Variants in SCN3A observed in about 807,000 individuals in gnomAD.
SCN3A encodes the protein sodium voltage-gated channel alpha subunit 3, also known as sodium channel protein type 3 subunit alpha.
Under a neutral mutation model 187.6 loss-of-function variants are expected in SCN3A, and 60 were observed. The ratio of observed to expected loss-of-function variants is 0.32; its 90% CI spans 0.26 to 0.40. The LOEUF (loss-of-function observed/expected upper bound fraction) is 0.40. Among genes scored for constraint, SCN3A ranks in the 10% least tolerant of loss-of-function variants. SCN3A has a pLI of 1.00. For missense variants in SCN3A, 1,601 were observed against 2,428.2 expected, an observed-to-expected ratio of 0.66 and a Z score of 7.16; for synonymous variants, 788 against 829.2, an observed-to-expected ratio of 0.95 and a Z score of 0.85.
intron 12 of SCN3A, among the ~76,000 whole-genome samples, chr2:165,145,492 G>T (rs750793240): frequency 6.6e-6 from 1 of 151,942 alleles, no homozygotes; most frequent in African/African-American, 2.4e-5. Context: ...AACTCTTTGT[G>T]TATTCATGTC....
At position 165,162,712 on chromosome 2, in the gene SCN3A, C is replaced by A; in HGVS notation, c.811G>T (p.Gly271Cys). ...FALIGLQLFM[G>C]NLRNKCLQWP... The stretch of plus-strand genomic sequence containing the variant: ...TGCAAACATTTATTCCTCAGATTGC[C>A]CATGAACAGCTGCAGCCCAATGAGA... The change falls in exon 8 of 28, where the codon GGC becomes TGC. Residue 271 changes from glycine to cysteine, a missense_variant. Coordinates refer to ENST00000283254, the MANE Select transcript of SCN3A (RefSeq NM_006922.4). The A allele has an allele frequency of 6.2e-7, 1 of 1,614,104 alleles. No homozygotes were observed. The highest frequency in any genetic ancestry group is 8.5e-7 in the Non-Finnish European group (1 of 1,180,012).
chr2:165,158,882 A>G (rs1235826989), intron 9 of SCN3A, among the ~76,000 whole-genome samples: 1 of 138,028 alleles, frequency 7.2e-6, no homozygotes, highest in Non-Finnish European at 1.5e-5. Context: ...TGGGGTCATT[A>G]TGAATACAGC....
chr2:165,166,512 G>A (rs949846876), intron 5 of SCN3A, among the ~76,000 whole-genome samples: 4 of 152,026 alleles, frequency 2.6e-5, no homozygotes, highest in Non-Finnish European at 4.4e-5. Context: ...ATAAAATGCA[G>A]TATAAATAAA....
At chr2:165,133,751 T>C (rs1018472230) in intron 15 of SCN3A, among the ~76,000 whole-genome samples, 1 of 152,028 alleles carries the variant, frequency 6.6e-6, no homozygotes. Flanking sequence ...TTTTAAAACA[T>C]TTCATGGTCT....
chr2:165,179,912 T>C (rs1690728846), intron 2 of SCN3A, among the ~76,000 whole-genome samples: 1 of 152,120 alleles, frequency 6.6e-6, no homozygotes, highest in Non-Finnish European at 1.5e-5. Context: ...GAGCAGACTT[T>C]AAAAATTAAT....
At position 165,157,228 on chromosome 2, in the gene SCN3A, G is replaced by A. The variant is rs969645684; in HGVS notation, c.1032-1325C>T. ...CCCAGCCCTCAGTTTTTTTCTTAATGTCCTTTTTTTGTTCCAGGATCCCAT... is the reference window on the plus strand; with the variant it reads ...CCCAGCCCTCAGTTTTTTTCTTAATATCCTTTTTTTGTTCCAGGATCCCAT... On this transcript the variant is annotated intron_variant, in intron 9 of 27. Coordinates refer to ENST00000283254, the MANE Select transcript of SCN3A (RefSeq NM_006922.4). Among the ~76,000 whole-genome samples the A allele has an allele frequency of 7.7e-4, 117 of 152,116 alleles. 1 individual carries two copies. Among genetic ancestry groups the A allele is most frequent in the African/African-American group, 2.7e-3 (114 of 41,520 alleles).
chr2:165,162,161 G>A, intron 9 of SCN3A, 147 bp downstream of exon 9: 1 of 720,054 alleles, frequency 1.4e-6, no homozygotes, highest in East Asian at 2.7e-5. Flanking sequence ...AATCCGGTAA[G>A]GCAGACAAGG....
chr2:165,183,708 T>C (rs184501999), intron 2 of SCN3A, among the ~76,000 whole-genome samples: 8 of 152,328 alleles, frequency 5.3e-5, no homozygotes, highest in East Asian at 1.9e-4. Flanking sequence ...GTATTAGTAG[T>C]GTCTCTCTTT....
At chr2:165,109,125 A>G (rs905776294) in intron 21 of SCN3A, among the ~76,000 whole-genome samples, 2 of 152,116 alleles carry the variant, frequency 1.3e-5, no homozygotes, top group Non-Finnish European at 2.9e-5. Context: ...GGTTTCTATG[A>G]CACCATGCAT....
At chr2:165,138,816 T>C (rs1027615316) in intron 14 of SCN3A, among the ~76,000 whole-genome samples, 2 of 152,180 alleles carry the variant, frequency 1.3e-5, no homozygotes, top group African/African-American at 2.4e-5. Context: ...TATGTTAGAA[T>C]TGACATATAA....
chr2:165,113,627 A>G (rs1312482262), intron 20 of SCN3A, among the ~76,000 whole-genome samples, 189 bp downstream of exon 20: 10 of 152,212 alleles, frequency 6.6e-5, no homozygotes, highest in Admixed American at 6.5e-4. Flanking sequence ...GAGAAATTCC[A>G]TCTGGCTGTT....
intron 21 of SCN3A, among the ~76,000 whole-genome samples, chr2:165,107,723 G>A (rs1219946705): frequency 1.3e-5 from 2 of 152,206 alleles, no homozygotes; most frequent in Non-Finnish European, 2.9e-5. Flanking sequence ...AAAGAACCCA[G>A]TGTTGGGTAA....
chr2:165,115,370 TA>T, intron 19 of SCN3A, 84 bp downstream of exon 19: 2 of 1,581,830 alleles, frequency 1.3e-6, no homozygotes, highest in Non-Finnish European at 1.7e-6. Flanking sequence ...CCTCGTTTCA[TA>T]AATTTTTTTT....
intron 26 of SCN3A, chr2:165,093,008 C>G (rs1273647701): frequency 1.3e-5 from 2 of 158,150 alleles, no homozygotes; most frequent in African/African-American, 4.8e-5. Flanking sequence ...ATGGTCTTGC[C>G]ACTGTACTCC....
chr2:165,161,142 T>C (rs1574262894), intron 9 of SCN3A, among the ~76,000 whole-genome samples: 2 of 87,996 alleles, frequency 2.3e-5, no homozygotes, highest in Non-Finnish European at 3.9e-5. Context: ...TCTTTCTTTT[T>C]TTTTTTTTTT....
intron 6 of SCN3A, 95 bp downstream of exon 6, chr2:165,164,297 A>G: frequency 5.9e-6 from 9 of 1,517,834 alleles, no homozygotes; most frequent in Non-Finnish European, 8.2e-6. Context: ...TTGACTAACA[A>G]GAAAGCTCTA....
rs369712075 is a variant in SCN3A, at chr2:165,115,513, A to C, written c.3456T>G (p.Gly1152=). 4 of 1,611,894 alleles carry C rather than the reference A, an allele frequency of 2.5e-6. No homozygotes were observed. The African/African-American group carries it at 4.0e-5, about 16-fold the overall frequency. The change falls in exon 19 of 28, where the codon GGT becomes GGG. Residue 1152 remains glycine (G), a synonymous_variant. Coordinates refer to ENST00000283254, the MANE Select transcript of SCN3A (RefSeq NM_006922.4). ...STVDVVLPRE[G]EQAETEPEED... is the part of the protein sequence containing the mutation. ...CTTCGGGTTCAGTTTCAGCTTGTTCACCTTCTCGGGGTAGAACAACATCAA... is the reference window on the plus strand; with the variant it reads ...CTTCGGGTTCAGTTTCAGCTTGTTCCCCTTCTCGGGGTAGAACAACATCAA...
intron 1 of SCN3A, among the ~76,000 whole-genome samples, chr2:165,190,815 T>C (rs1320446550): frequency 1.3e-5 from 2 of 151,774 alleles, no homozygotes; most frequent in African/African-American, 4.8e-5. Context: ...TATCCTAACA[T>C]TGAAAATAAT....
chr2:165,179,315 C>T (rs1690681729), intron 2 of SCN3A, among the ~76,000 whole-genome samples: 1 of 152,168 alleles, frequency 6.6e-6, no homozygotes, highest in African/African-American at 2.4e-5. Context: ...GGCACCTCAA[C>T]ACAGAAATGG....
Sources: gnomAD v4.1 joint callset for allele counts (sites outside exome capture counted in the v4.1 genomes callset) on GRCh38, gnomAD v4.1.1 for gene constraint, MANE v1.5 for transcripts, NCBI Gene and HGNC (gene_info 2026-07-23, HGNC 2026-07-21) for gene names.